Variants in ANKRD55 observed in about 807,000 individuals in gnomAD.
ANKRD55 encodes the protein ankyrin repeat domain-containing protein 55.
ANKRD55 carries 41 observed loss-of-function variants against 60.6 expected under a neutral mutation model. The ratio of observed to expected loss-of-function variants is 0.68; its 90% confidence interval spans 0.53 to 0.88. The LOEUF is 0.88. Among genes scored for constraint, ANKRD55 ranks in the 40% least tolerant of loss-of-function variants. The pLI, the probability that ANKRD55 is intolerant of heterozygous loss-of-function variation, is 0.00. For missense variants in ANKRD55, 732 were observed against 767.6 expected, an observed-to-expected ratio of 0.95 and a Z score of 0.55; for synonymous variants, 264 against 290.3, an observed-to-expected ratio of 0.91 and a Z score of 0.92.
rs775481073 is a variant in ANKRD55 at position 56,116,681 on chromosome 5, G to A, written c.899C>T (p.Thr300Met). 12 of 1,614,006 alleles carry A rather than the reference G, an allele frequency of 7.4e-6. No homozygotes were observed. The highest frequency in any genetic ancestry group is 3.3e-4 in the Middle Eastern group (2 of 6,062). Reference sequence around the variant, plus strand: ...GCAGTACAGGGCATAGGCCAAGGGCGTGCTCTCATTGATGTCCCGCAGGTT... The same window carrying A: ...GCAGTACAGGGCATAGGCCAAGGGCATGCTCTCATTGATGTCCCGCAGGTT... ...DSNLRDINES[T>M]PLAYALYCGH... is the part of the protein sequence containing the mutation. The change falls in exon 9 of 12, where the codon ACG (threonine) becomes ATG (methionine). Residue 300 changes from threonine (T) to methionine (M), a missense_variant. Transcript: ENST00000341048.
At position 56,111,275 on chromosome 5, in the gene ANKRD55, A is replaced by T; in HGVS notation, c.1473T>A (p.Asp491Glu). The change falls in exon 10 of 12, where the codon GAT becomes GAA. Residue 491 changes from aspartate to glutamate, a missense_variant. Coordinates refer to ENST00000341048, the MANE Select transcript of ANKRD55 (RefSeq NM_024669.3). ...GATTAGAATCACTCTTCCAGGGGTT[A>T]TCTAGTAACATCTGGCAGCCAGTTC... ...NNRTGCQMLL[D>E]NPWKSDSNQV... The T allele has an allele frequency of 6.2e-7, 1 of 1,614,194 alleles. No individual in the cohort carries two copies. Among genetic ancestry groups the T allele is most frequent in the Non-Finnish European group, 8.5e-7 (1 of 1,180,026 alleles).
intron 2 of ANKRD55, among the ~76,000 whole-genome samples, chr5:56,219,540 A>G (rs1166963843): frequency 1.3e-5 from 2 of 152,248 alleles, no homozygotes; most frequent in South Asian, 2.1e-4. Context: ...GAAGGTAAAT[A>G]TTAGGGTAAA....
At chr5:56,178,488 G>GA (rs201181166) in intron 3 of ANKRD55, among the ~76,000 whole-genome samples, 24,236 of 138,096 alleles carry the variant, frequency 0.18, 3,730 homozygotes, top group African/African-American at 0.42. Context: ...GTAGAAAATA[G>GA]AAAAAAAAAA....
intron 5 of ANKRD55, among the ~76,000 whole-genome samples, chr5:56,160,307 T>C (rs1004878749): frequency 2.0e-5 from 3 of 152,208 alleles, no homozygotes; most frequent in African/African-American, 7.2e-5. Context: ...GGCACGAACT[T>C]GGCTCACTGC....
chr5:56,230,543 C>T (rs1432832781), intron 2 of ANKRD55, among the ~76,000 whole-genome samples: 3 of 152,166 alleles, frequency 2.0e-5, no homozygotes, highest in Admixed American at 2.0e-4. Context: ...ATGAAAAACC[C>T]TCAACTAAAG....
At chr5:56,120,483 T>G (rs544273183) in intron 8 of ANKRD55, among the ~76,000 whole-genome samples, 3 of 152,218 alleles carry the variant, frequency 2.0e-5, no homozygotes, top group Non-Finnish European at 2.9e-5. Context: ...GGGAAAAGTA[T>G]TTTTGCTTTC....
intron 7 of ANKRD55, among the ~76,000 whole-genome samples, chr5:56,135,617 C>T (rs1757577724): frequency 6.6e-6 from 1 of 152,056 alleles, no homozygotes; most frequent in African/African-American, 2.4e-5. Flanking sequence ...AATCTGCCTG[C>T]ATCGGCCTCC....
In ANKRD55 at chr5:56,145,472, G is replaced by C. The variant is rs532882168; in HGVS notation, c.484-1543C>G. On this transcript the variant is annotated intron_variant, in intron 6 of 11. Transcript: ENST00000341048. ...TGGAATCATGTGATTGAAAAGCCTGGGTTTCTGATCAATGAGGGAGAATAG... is the reference window on the plus strand; with the variant it reads ...TGGAATCATGTGATTGAAAAGCCTGCGTTTCTGATCAATGAGGGAGAATAG... 2.6e-5 allele frequency among the ~76,000 whole-genome samples: 4 copies of C among 152,290 alleles called. No homozygotes were observed. In the South Asian group the frequency reaches 8.3e-4, roughly 32 times the overall value.
In ANKRD55 at chr5:56,211,630, C is replaced by T. The variant is rs533195500; in HGVS notation, c.58+21226G>A. On this transcript the variant is annotated intron_variant, in intron 2 of 11. Transcript: ENST00000341048. ...CTCAGAGACAAAGCCCTCATATATT[C>T]CAGTGAACTTGTGACCTCTTTTTGG... is the stretch of plus-strand genomic sequence containing the variant. Among the ~76,000 whole-genome samples the T allele has an allele frequency of 5.3e-5, 8 of 152,270 alleles. No individual in the cohort carries two copies. In the South Asian group the frequency reaches 1.7e-3, roughly 32 times the overall value.
intron 10 of ANKRD55, among the ~76,000 whole-genome samples, chr5:56,105,253 AT>A (rs1269376919): frequency 2.6e-5 from 4 of 151,954 alleles, no homozygotes; most frequent in Non-Finnish European, 5.9e-5. Context: ...CACCAGGCTA[AT>A]TTTTGTATTT....
intron 10 of ANKRD55, among the ~76,000 whole-genome samples, chr5:56,104,827 C>T (rs1333170935): frequency 6.6e-6 from 1 of 152,008 alleles, no homozygotes; most frequent in South Asian, 2.1e-4. Context: ...GGTTTTGAAG[C>T]TCCATGAGTA....
chr5:56,154,081 C>T (rs752649001), intron 6 of ANKRD55, among the ~76,000 whole-genome samples: 3 of 147,630 alleles, frequency 2.0e-5, no homozygotes, highest in Non-Finnish European at 3.0e-5. Context: ...GGCGTGGTGA[C>T]GGGTGCCTGT....
chr5:56,199,845 C>T (rs867388897), intron 2 of ANKRD55, among the ~76,000 whole-genome samples: 12 of 148,340 alleles, frequency 8.1e-5, no homozygotes, highest in African/African-American at 1.5e-4. Context: ...GAGCCGAGAT[C>T]GCACCACTAC....
chr5:56,112,378 T>C (rs563142981), intron 9 of ANKRD55, among the ~76,000 whole-genome samples: 9 of 151,808 alleles, frequency 5.9e-5, no homozygotes, highest in East Asian at 1.9e-4. Flanking sequence ...AAAAAAAGTA[T>C]GCTGAAGAAC....
At chr5:56,175,661 G>C (rs1437156436) in intron 4 of ANKRD55, among the ~76,000 whole-genome samples, 1 of 151,964 alleles carries the variant, frequency 6.6e-6, no homozygotes, top group Admixed American at 6.6e-5. Context: ...GTCCCTTTAA[G>C]AGCCTGCTTT....
At chr5:56,141,133 T>TG (rs35972130) in intron 7 of ANKRD55, among the ~76,000 whole-genome samples, 1 of 147,890 alleles carries the variant, frequency 6.8e-6, no homozygotes, top group Admixed American at 6.8e-5. Context: ...ACACACAGTT[T>TG]TTTTTTTTTT....
chr5:56,111,362 A>C lies in ANKRD55; in HGVS notation c.1386T>G (p.Ala462=), dbSNP rs746436011. Residue 462 remains alanine, a synonymous_variant, in exon 10 of 12, where the codon GCT becomes GCG. Transcript: ENST00000341048. ...GAGATCGCTGGGCCATATGATGAGG[A>C]GCAGAGCTCAGGCCTGCATGGGAAG... ...RATSHAGLSS[A]PHHMAQRSQK... 7 of 1,613,974 alleles carry C rather than the reference A, an allele frequency of 4.3e-6. No homozygotes were observed. The African/African-American group carries it at 5.3e-5, about 12-fold the overall frequency.
chr5:56,184,717 G>A (rs1485877479), intron 2 of ANKRD55, among the ~76,000 whole-genome samples: 1 of 151,950 alleles, frequency 6.6e-6, no homozygotes, highest in Non-Finnish European at 1.5e-5. Flanking sequence ...GGGCAACACA[G>A]TGAGACCCTC....
chr5:56,183,354 T>C (rs1169261030), intron 3 of ANKRD55, among the ~76,000 whole-genome samples, 158 bp downstream of exon 3: 1 of 152,194 alleles, frequency 6.6e-6, no homozygotes, highest in Non-Finnish European at 1.5e-5. Flanking sequence ...AAACTCAAAC[T>C]GATGACTTCA....
Sources: allele counts gnomAD v4.1 joint callset (sites outside exome capture counted in the v4.1 genomes callset), GRCh38; gene constraint gnomAD v4.1.1; transcripts MANE v1.5; gene names NCBI Gene and HGNC (gene_info 2026-07-23, HGNC 2026-07-21).